PIGL: variants seen among roughly 807,000 people sequenced by gnomAD.
PIGL encodes N-acetylglucosaminyl-phosphatidylinositol de-N-acetylase.
In PIGL, 22 loss-of-function variants were observed where a neutral mutation model predicts 31.1. The observed-to-expected ratio is 0.71, with a 90% CI of 0.51 to 1.01. PIGL has a LOEUF of 1.01. Among genes scored for constraint, PIGL ranks in the 50% least tolerant of loss-of-function variants. The pLI is 0.00. For synonymous variants in PIGL, 131 were observed against 117.4 expected (o/e 1.12, Z -0.75); for missense variants, 302 against 315.9 (o/e 0.96, Z 0.33).
intron 1 of PIGL, among the ~76,000 whole-genome samples, chr17:16,232,306 G>A (rs1382087299): frequency 1.3e-5 from 2 of 151,952 alleles, no homozygotes; most frequent in African/African-American, 4.8e-5. Flanking sequence ...AGAAAATTAG[G>A]GGGAGACATC....
At chr17:16,242,644 C>CTTTT (rs35572629) in intron 2 of PIGL, among the ~76,000 whole-genome samples, 5 of 79,046 alleles carry the variant, frequency 6.3e-5, no homozygotes, top group Middle Eastern at 0.01. Context: ...TTTCTGATTC[C>CTTTT]TTTTTTTTTT....
At chr17:16,247,764 T>C (rs2092754894) in intron 2 of PIGL, among the ~76,000 whole-genome samples, 1 of 152,204 alleles carries the variant, frequency 6.6e-6, no homozygotes. Flanking sequence ...TCCCACCCGA[T>C]TTTTTCTTTC....
chr17:16,259,439 G>T (rs1043593721), intron 2 of PIGL, among the ~76,000 whole-genome samples: 5 of 151,996 alleles, frequency 3.3e-5, no homozygotes, highest in Non-Finnish European at 5.9e-5. Context: ...GGGAGGCCGA[G>T]GCAGGAGGAT....
chr17:16,245,613 C>T (rs1169635626), intron 2 of PIGL, among the ~76,000 whole-genome samples: 3 of 149,232 alleles, frequency 2.0e-5, no homozygotes, highest in African/African-American at 7.4e-5. Context: ...CCATGTTGGG[C>T]AGGATGGTCT....
chr17:16,291,766 G>A (rs2092961795), intron 2 of PIGL, among the ~76,000 whole-genome samples: 2 of 151,494 alleles, frequency 1.3e-5, no homozygotes, highest in South Asian at 4.2e-4. Flanking sequence ...TCGGGAGGCT[G>A]AAGCAGAAGA....
intron 2 of PIGL, among the ~76,000 whole-genome samples, chr17:16,298,626 G>A (rs2092992149): frequency 6.6e-6 from 1 of 152,238 alleles, no homozygotes; most frequent in South Asian, 2.1e-4. Flanking sequence ...GAGGGAGGAT[G>A]TAGCCAGCTC....
rs933885081 is a variant in PIGL, at chr17:16,231,312, A to G, written c.236-2659A>G. 1.5e-4 allele frequency among the ~76,000 whole-genome samples: 22 copies of G among 145,684 alleles called. 1 individual carries two copies. Among genetic ancestry groups the G allele is most frequent in the African/African-American group, 5.6e-4 (22 of 39,000 alleles). On this transcript the variant is annotated intron_variant, in intron 1 of 6. Coordinates refer to ENST00000225609, the MANE Select transcript of PIGL (RefSeq NM_004278.4). ...TGCAGTGGTGTGGTCATGGTTCACTATAGCCTCAAAATCCCAGGCTCAAGC... is the reference window on the plus strand; with the variant it reads ...TGCAGTGGTGTGGTCATGGTTCACTGTAGCCTCAAAATCCCAGGCTCAAGC...
chr17:16,307,889 A>G (rs1318959254), intron 3 of PIGL, among the ~76,000 whole-genome samples: 1 of 150,532 alleles, frequency 6.6e-6, no homozygotes, highest in African/African-American at 2.5e-5. Context: ...GATTTCAAGG[A>G]GCCCAGGGGT....
chr17:16,282,192 G>A, intron 2 of PIGL: 1 of 389,332 alleles, frequency 2.6e-6, no homozygotes. Context: ...CCTGCCCACA[G>A]TCCCCTGAAA....
chr17:16,246,542 G>C (rs2092748054), intron 2 of PIGL, among the ~76,000 whole-genome samples: 1 of 151,774 alleles, frequency 6.6e-6, no homozygotes. Flanking sequence ...AAAGAAGCCA[G>C]TTTGAAGATT....
chr17:16,317,318 A>G, intron 5 of PIGL: 1 of 994,728 alleles, frequency 1.0e-6, no homozygotes, highest in Non-Finnish European at 1.2e-6. Flanking sequence ...TGATTCTTAT[A>G]TCAATCCTGT....
chr17:16,258,103 A>AGAGAGAGAGAGAGAGAG (rs2092803342), intron 2 of PIGL, among the ~76,000 whole-genome samples: 7 of 65,696 alleles, frequency 1.1e-4, no homozygotes, highest in African/African-American at 2.3e-4. Context: ...GAGAGAGAGA[A>AGAGAGAGAGAGAGAGAG]AGAGAGAGAG....
chr17:16,311,895 C>T (rs909548463), intron 3 of PIGL, among the ~76,000 whole-genome samples: 8 of 152,224 alleles, frequency 5.3e-5, no homozygotes, highest in Non-Finnish European at 1.0e-4. Context: ...ATTTCTCTAT[C>T]TTTTCCCCAC....
intron 3 of PIGL, among the ~76,000 whole-genome samples, chr17:16,307,963 C>CAA (rs200906989): frequency 8.8e-4 from 55 of 62,534 alleles, no homozygotes; most frequent in African/African-American, 2.7e-3. Context: ...GACCTTGTCT[C>CAA]AAAAAAAAAA....
intron 2 of PIGL, among the ~76,000 whole-genome samples, chr17:16,284,726 A>G (rs891907572): frequency 2.6e-5 from 4 of 152,170 alleles, no homozygotes; most frequent in Non-Finnish European, 5.9e-5. Flanking sequence ...AGCACTCCTC[A>G]CTAACTGGCT....
intron 4 of PIGL, 91 bp downstream of exon 4, chr17:16,313,705 A>T: frequency 9.7e-7 from 1 of 1,034,506 alleles, no homozygotes; most frequent in South Asian, 1.3e-5. Context: ...CCCACTTGTT[A>T]TCTGAGCCCA....
At chr17:16,291,943 C>T (rs925867563) in intron 2 of PIGL, among the ~76,000 whole-genome samples, 27 of 150,566 alleles carry the variant, frequency 1.8e-4, no homozygotes, top group African/African-American at 6.3e-4. Context: ...GCCTGGGCAA[C>T]ATAGCAAGAC....
intron 2 of PIGL, among the ~76,000 whole-genome samples, chr17:16,287,042 A>C (rs910897928): frequency 6.6e-5 from 10 of 152,326 alleles, no homozygotes; most frequent in African/African-American, 2.4e-4. Flanking sequence ...CTTAGTCCAG[A>C]TCACTTAAAT....
At chr17:16,274,705 A>C (rs1331522793) in intron 2 of PIGL, among the ~76,000 whole-genome samples, 1 of 151,040 alleles carries the variant, frequency 6.6e-6, no homozygotes, top group African/African-American at 2.4e-5. Flanking sequence ...CCTGGGGGAC[A>C]AGAGCAAGAC....
Sources: allele counts gnomAD v4.1 joint callset (sites outside exome capture counted in the v4.1 genomes callset), GRCh38; gene constraint gnomAD v4.1.1; transcripts MANE v1.5; gene names NCBI Gene and HGNC (gene_info 2026-07-23, HGNC 2026-07-21).